The following NHS variants were observed in gnomAD, a reference collection of about 807,000 sequenced individuals.
NHS encodes the protein NHS actin remodeling regulator.
In NHS, 5 loss-of-function variants were observed where a neutral mutation model predicts 72.5. The observed-to-expected ratio is 0.07, with a 90% CI of 0.04 to 0.14. The LOEUF is 0.14. NHS is among the 10% of genes least tolerant of loss of function. The probability of loss-of-function intolerance (pLI) is 1.00; values close to 1 mark genes in which losing one functional copy is unlikely to be tolerated. For synonymous variants in NHS, 464 were observed against 547.7 expected (o/e 0.85, Z 2.13); for missense variants, 1,072 against 1,355.7 (o/e 0.79, Z 3.29).
intron 1 of NHS, among the ~76,000 whole-genome samples, chrX:17,550,026 A>C (rs1360270743): frequency 8.9e-6 from 1 of 111,941 alleles, no homozygotes; most frequent in Non-Finnish European, 1.9e-5. Flanking sequence ...CTGTAGGGTC[A>C]TGATTTTTCT....
chrX:17,716,379 T>C (rs2066364191), intron 3 of NHS, among the ~76,000 whole-genome samples: 1 of 112,420 alleles, frequency 8.9e-6, no homozygotes, highest in Admixed American at 9.4e-5. Flanking sequence ...GAAAATACTT[T>C]CATGAGACAC....
In NHS at chrX:17,616,936, G is replaced by A. The variant is rs570051268; in HGVS notation, c.566-70806G>A. ...AGTCTTAGGGCACAAAGATTTCTAA[G>A]TATCATTCAGCTTATTCCTCTGTCC... On this transcript the variant is annotated intron_variant, in intron 1 of 8. Coordinates refer to ENST00000676302, the MANE Select transcript of NHS (RefSeq NM_001291867.2). Among the ~76,000 whole-genome samples the A allele has an allele frequency of 3.6e-5, 4 of 111,955 alleles. No homozygotes were observed. The South Asian group carries it at 1.5e-3, about 42-fold the overall frequency.
chrX:17,447,564 A>G (rs2064786875), intron 1 of NHS, among the ~76,000 whole-genome samples: 1 of 111,478 alleles, frequency 9.0e-6, no homozygotes, highest in Non-Finnish European at 1.9e-5. Flanking sequence ...GGAAAACTTC[A>G]AAGTATTTTA....
At chrX:17,639,377 A>T (rs918477179) in intron 1 of NHS, among the ~76,000 whole-genome samples, 1 of 111,653 alleles carries the variant, frequency 9.0e-6, no homozygotes, top group Admixed American at 9.5e-5. Flanking sequence ...AGACTGGGTA[A>T]TTTATAAAGA....
chrX:17,634,805 T>C lies in NHS; in HGVS notation c.566-52937T>C, dbSNP rs759546560. On this transcript the variant is annotated intron_variant, in intron 1 of 8. Coordinates refer to ENST00000676302, the MANE Select transcript of NHS (RefSeq NM_001291867.2). ...AGTTGTATCGCCTCCACCTGCACCA[T>C]TCTTGTCCTTTCGGTGTGTGCGCAA... 7.1e-5 allele frequency among the ~76,000 whole-genome samples: 8 copies of C among 112,014 alleles called. No individual in the cohort carries two copies. The South Asian group carries it at 3.0e-3, about 42-fold the overall frequency.
chrX:17,643,929 G>A (rs766374815), intron 1 of NHS, among the ~76,000 whole-genome samples: 2 of 112,015 alleles, frequency 1.8e-5, no homozygotes, highest in African/African-American at 6.5e-5. Context: ...GTTTTTCCAT[G>A]ATGAGAAAGA....
intron 1 of NHS, among the ~76,000 whole-genome samples, chrX:17,642,523 T>C (rs753689539): frequency 8.0e-5 from 9 of 112,106 alleles, no homozygotes; most frequent in African/African-American, 2.9e-4. Context: ...TCTTATCCCG[T>C]TCTTTCTGAG....
intron 1 of NHS, among the ~76,000 whole-genome samples, chrX:17,666,666 A>G (rs1158072641): frequency 1.8e-5 from 2 of 112,745 alleles, no homozygotes; most frequent in African/African-American, 3.2e-5. Flanking sequence ...GAATGAATGA[A>G]TGAATGAATG....
At chrX:17,639,190 A>G (rs959078549) in intron 1 of NHS, among the ~76,000 whole-genome samples, 1 of 111,465 alleles carries the variant, frequency 9.0e-6, no homozygotes, top group African/African-American at 3.3e-5. Flanking sequence ...TGCACATTAT[A>G]GCCAGAGCCT....
intron 1 of NHS, among the ~76,000 whole-genome samples, chrX:17,609,358 A>G (rs763389572): frequency 5.3e-4 from 59 of 111,875 alleles, no homozygotes; most frequent in Non-Finnish European, 9.8e-4. Flanking sequence ...TGGATCTTGA[A>G]GGATGAGTAG....
At position 17,693,430 on chromosome X, in the gene NHS, C is replaced by A. The variant is rs890607301; in HGVS notation, c.852+962C>A. On this transcript the variant is annotated intron_variant, in intron 3 of 8. Transcript: ENST00000676302. ...TGTCTTGTCATTCTGGTTCAAGACCCAAAGTCTAAAGAAGTTACAATAGTG... is the reference window on the plus strand; with the variant it reads ...TGTCTTGTCATTCTGGTTCAAGACCAAAAGTCTAAAGAAGTTACAATAGTG... Among the ~76,000 whole-genome samples, 4 of 111,904 alleles carry A rather than the reference C, an allele frequency of 3.6e-5. No homozygotes were observed. The Admixed American group carries it at 3.8e-4, about 11-fold the overall frequency.
intron 1 of NHS, among the ~76,000 whole-genome samples, chrX:17,637,008 G>C (rs1469104554): frequency 9.0e-6 from 1 of 111,711 alleles, no homozygotes; most frequent in African/African-American, 3.3e-5. Context: ...AGAATCTCTG[G>C]GAGTGGGTCC....
intron 4 of NHS, among the ~76,000 whole-genome samples, chrX:17,719,978 TTC>T (rs761843999): frequency 6.5e-4 from 70 of 107,184 alleles, no homozygotes; most frequent in Admixed American, 8.0e-4. Flanking sequence ...CTCAATCAGT[TTC>T]TCTCTCTCTC....
chrX:17,498,554 G>A (rs1056119314), intron 1 of NHS, among the ~76,000 whole-genome samples: 10 of 111,804 alleles, frequency 8.9e-5, no homozygotes, highest in African/African-American at 3.3e-4. Context: ...ATTTCGTGGC[G>A]TGATGTGGTG....
chrX:17,610,871 T>G (rs766831922), intron 1 of NHS, among the ~76,000 whole-genome samples: 2 of 112,690 alleles, frequency 1.8e-5, no homozygotes, highest in Non-Finnish European at 3.7e-5. Flanking sequence ...TTCCTGGGTC[T>G]GTGATCTGCA....
intron 1 of NHS, among the ~76,000 whole-genome samples, chrX:17,419,435 G>T (rs1199306720): frequency 2.7e-5 from 3 of 112,133 alleles, no homozygotes; most frequent in Non-Finnish European, 5.6e-5. Flanking sequence ...CTGGATTGAA[G>T]TGAGAACAAA....
intron 1 of NHS, among the ~76,000 whole-genome samples, chrX:17,678,632 C>A (rs1419816357): frequency 9.0e-6 from 1 of 110,658 alleles, no homozygotes; most frequent in Non-Finnish European, 1.9e-5. Context: ...GAGAAACCAC[C>A]CCTGTGATCC....
At chrX:17,383,443 G>A (rs1015080253) in intron 1 of NHS, among the ~76,000 whole-genome samples, 10 of 111,991 alleles carry the variant, frequency 8.9e-5, no homozygotes, top group Non-Finnish European at 1.9e-4. Context: ...CTGAGACTGG[G>A]TAATTTATAA....
chrX:17,518,154 A>T (rs940088266), intron 1 of NHS, among the ~76,000 whole-genome samples: 1 of 111,725 alleles, frequency 9.0e-6, no homozygotes, highest in African/African-American at 3.3e-5. Context: ...TGCTGGCCCA[A>T]GTGACAGATA....
Sources: allele counts gnomAD v4.1 joint callset (sites outside exome capture counted in the v4.1 genomes callset), GRCh38; gene constraint gnomAD v4.1.1; transcripts MANE v1.5; gene names NCBI Gene and HGNC (gene_info 2026-07-23, HGNC 2026-07-21).